Variants in ATP9B observed in about 807,000 individuals in gnomAD.
The protein encoded by ATP9B is ATPase phospholipid transporting 9B, also known as probable phospholipid-transporting ATPase IIB.
Under a neutral mutation model 146.1 loss-of-function variants are expected in ATP9B, and 110 were observed. That is an observed-to-expected ratio of 0.75 (90% CI 0.65 to 0.88). ATP9B has a LOEUF of 0.88. Ranked by LOEUF, ATP9B falls within the 40% of genes least tolerant of loss-of-function variation. ATP9B has a pLI of 0.00. For missense variants in ATP9B, 1,499 were observed against 1,496.4 expected, an observed-to-expected ratio of 1.00 and a Z score of -0.03; for synonymous variants, 604 against 569.7, an observed-to-expected ratio of 1.06 and a Z score of -0.86.
intron 4 of ATP9B, among the ~76,000 whole-genome samples, chr18:79,116,922 TAAAA>T (rs781553384): frequency 1.2e-4 from 7 of 59,826 alleles, no homozygotes; most frequent in African/African-American, 2.5e-4. Context: ...TAGAGTATAA[TAAAA>T]AAAAAAAAAA....
intron 24 of ATP9B, 29 bp from the exon 25 acceptor site, chr18:79,348,102 GT>G (rs768488468): frequency 1.9e-6 from 3 of 1,613,408 alleles, no homozygotes; most frequent in Non-Finnish European, 2.5e-6. Context: ...GGAACTGACA[GT>G]TGTCTTCGTC....
chr18:79,354,803 G>A (rs1325891175), intron 25 of ATP9B, among the ~76,000 whole-genome samples: 4 of 152,152 alleles, frequency 2.6e-5, no homozygotes, highest in Admixed American at 2.0e-4. Flanking sequence ...GCCTGGAAAC[G>A]CCCATGGGTG....
At position 79,329,240 on chromosome 18, in the gene ATP9B, T is replaced by G. The variant is rs574479423; in HGVS notation, c.1873T>G (p.Phe625Val). 6 of 1,612,860 alleles carry G rather than the reference T, an allele frequency of 3.7e-6. No individual in the cohort carries two copies. In the Admixed American group the frequency reaches 6.7e-5, roughly 18 times the overall value. Residue 625 changes from phenylalanine (F) to valine (V), a missense_variant, in exon 16 of 30, where the codon TTC becomes GTC. Transcript: ENST00000426216. ...LKTPSGQVLS[F>V]CILQLFPFTS... ...GACCCCCAGTGGCCAGGTCCTCAGC[T>G]TCTGCATTCTGCAGCTGTTTCCCTT... is the stretch of plus-strand genomic sequence containing the variant.
At position 79,277,118 on chromosome 18, in the gene ATP9B, A is replaced by T. The variant is rs1232457924; in HGVS notation, c.1333A>T (p.Ile445Phe). Residue 445 changes from isoleucine to phenylalanine, a missense_variant, in exon 13 of 30, where the codon ATC becomes TTC. Ile to Phe is a conservative substitution (Grantham distance 21, BLOSUM62 0). Transcript: ENST00000426216. ...YGWMMMKDEN[I>F]PGTVVRTSTI... ...ATGGATGATGATGAAAGATGAGAAC[A>T]TCCCTGGCACGGTCGTTCGGACCAG... 1 of 1,613,998 alleles carries T rather than the reference A, an allele frequency of 6.2e-7. No individual in the cohort carries two copies. The highest frequency in any genetic ancestry group is 8.5e-7 in the Non-Finnish European group (1 of 1,180,000).
At chr18:79,333,511 G>A (rs923803183) in intron 17 of ATP9B, among the ~76,000 whole-genome samples, 2 of 152,182 alleles carry the variant, frequency 1.3e-5, no homozygotes, top group South Asian at 4.1e-4. Context: ...CATTATCAAT[G>A]TTCACATTTT....
At chr18:79,231,801 T>TACAC (rs1387954793) in intron 11 of ATP9B, among the ~76,000 whole-genome samples, 1,306 of 98,022 alleles carry the variant, frequency 0.013, 15 homozygotes, top group African/African-American at 0.031. Context: ...TATATATATA[T>TACAC]ATACACACAC....
intron 25 of ATP9B, among the ~76,000 whole-genome samples, chr18:79,348,692 A>G (rs1242027530): frequency 6.6e-6 from 1 of 152,248 alleles, no homozygotes; most frequent in South Asian, 2.1e-4. Flanking sequence ...TAGCAGCACC[A>G]GGGCTGGGCG....
At chr18:79,234,249 GTTTT>G (rs916201745) in intron 11 of ATP9B, among the ~76,000 whole-genome samples, 3 of 152,152 alleles carry the variant, frequency 2.0e-5, no homozygotes, top group Non-Finnish European at 2.9e-5. Flanking sequence ...GTAAACATGG[GTTTT>G]TTTAACTTTA....
chr18:79,087,810 G>A (rs1017443803), intron 1 of ATP9B: 2 of 152,124 alleles, frequency 1.3e-5, no homozygotes, highest in Non-Finnish European at 2.9e-5. Flanking sequence ...AGTTCAGATA[G>A]CTGTCCTTGT....
At chr18:79,216,155 T>C (rs2095625400) in intron 11 of ATP9B, among the ~76,000 whole-genome samples, 2 of 152,230 alleles carry the variant, frequency 1.3e-5, no homozygotes, top group South Asian at 4.1e-4. Context: ...CCCACCTTTT[T>C]CTTCAGTTCA....
At chr18:79,204,396 C>T (rs886249981) in intron 9 of ATP9B, among the ~76,000 whole-genome samples, 3 of 152,146 alleles carry the variant, frequency 2.0e-5, no homozygotes, top group African/African-American at 7.2e-5. Context: ...TTACAGCCCT[C>T]CTCCCTTCCT....
chr18:79,217,235 A>C (rs1451774652), intron 11 of ATP9B, among the ~76,000 whole-genome samples: 1 of 152,162 alleles, frequency 6.6e-6, no homozygotes, highest in Non-Finnish European at 1.5e-5. Context: ...CCCAGGCTGG[A>C]GTGCGGTGGC....
chr18:79,179,763 C>T (rs984428178), intron 8 of ATP9B, among the ~76,000 whole-genome samples: 13 of 152,158 alleles, frequency 8.5e-5, no homozygotes, highest in Non-Finnish European at 1.3e-4. Context: ...AATGTTTGTT[C>T]TGCTATTGCC....
intron 7 of ATP9B, among the ~76,000 whole-genome samples, chr18:79,162,964 A>C (rs2147768698): frequency 6.6e-6 from 1 of 152,350 alleles, no homozygotes; most frequent in South Asian, 2.1e-4. Flanking sequence ...AATTGTCATT[A>C]AGCCTGTTGA....
chr18:79,343,056 A>G (rs1357408471), intron 20 of ATP9B, among the ~76,000 whole-genome samples: 1 of 152,248 alleles, frequency 6.6e-6, no homozygotes, highest in Non-Finnish European at 1.5e-5. Flanking sequence ...GTGAGTGAAC[A>G]GACATTCTGT....
At chr18:79,195,815 A>G (rs7240805) in intron 9 of ATP9B, among the ~76,000 whole-genome samples, 85,129 of 151,622 alleles carry the variant, frequency 0.56, 25,612 homozygotes, top group African/African-American at 0.79. Flanking sequence ...GAAACGAGAT[A>G]ATCAAAGAGG....
At chr18:79,323,495 C>G (rs1283773124) in intron 15 of ATP9B, among the ~76,000 whole-genome samples, 1 of 152,184 alleles carries the variant, frequency 6.6e-6, no homozygotes, top group Non-Finnish European at 1.5e-5. Context: ...CATCATTCTA[C>G]TCTCTGTCTC....
At position 79,307,205 on chromosome 18, in the gene ATP9B, C is replaced by T. The variant is rs773530036; in HGVS notation, c.1744C>T (p.Arg582Cys). The T allele has an allele frequency of 6.2e-7, 1 of 1,614,220 alleles. No individual in the cohort carries two copies. The highest frequency in any genetic ancestry group is 1.1e-5 in the South Asian group (1 of 91,072). The change falls in exon 15 of 30, where the codon CGC becomes TGC. Residue 582 changes from arginine (R) to cysteine (C), a missense_variant. Physicochemically the swap from Arg to Cys is radical, Grantham distance 180. Coordinates refer to ENST00000426216, the MANE Select transcript of ATP9B (RefSeq NM_198531.5). ...EADQDFSDENRTYQASSPDEV... is the reference protein window; with the variant it reads ...EADQDFSDENCTYQASSPDEV... The stretch of plus-strand genomic sequence containing the variant: ...TGACCAAGACTTCAGTGATGAGAAT[C>T]GCACCTACCAGGCTTCCAGCCCGGA...
At chr18:79,069,625 A>C (rs1599260874) in intron 1 of ATP9B, 96 bp downstream of exon 1, 3 of 758,002 alleles carry the variant, frequency 4.0e-6, no homozygotes, top group South Asian at 4.5e-5. Flanking sequence ...TGGGGTCGCT[A>C]CCGGCGCGCC....
Sources: gnomAD v4.1 joint callset for allele counts (sites outside exome capture counted in the v4.1 genomes callset) on GRCh38, gnomAD v4.1.1 for gene constraint, MANE v1.5 for transcripts, NCBI Gene and HGNC (gene_info 2026-07-23, HGNC 2026-07-21) for gene names.